PTPRN2: variants seen among roughly 807,000 people sequenced by gnomAD.
PTPRN2 encodes protein tyrosine phosphatase receptor type N2.
Under a neutral mutation model 118.8 loss-of-function variants are expected in PTPRN2, and 74 were observed. The ratio of observed to expected loss-of-function variants is 0.62; its 90% CI spans 0.52 to 0.76. The LOEUF (loss-of-function observed/expected upper bound fraction) is 0.76, where lower values mean the gene tolerates loss of function less well. Among genes scored for constraint, PTPRN2 ranks in the 30% least tolerant of loss-of-function variants. PTPRN2 has a pLI of 0.00. For synonymous variants in PTPRN2, 641 were observed against 608.0 expected (o/e 1.05, Z -0.80); for missense variants, 1,481 against 1,394.4 (o/e 1.06, Z -0.99).
At chr7:158,051,445 C>T (rs114103315) in intron 11 of PTPRN2, among the ~76,000 whole-genome samples, 3,056 of 152,322 alleles carry the variant, frequency 0.02, 103 homozygotes, top group African/African-American at 0.07. Flanking sequence ...TGTCTGCCAG[C>T]AGCTGCAAAG....
intron 2 of PTPRN2, among the ~76,000 whole-genome samples, chr7:158,387,739 T>C (rs1811603813): frequency 6.6e-6 from 1 of 152,134 alleles, no homozygotes; most frequent in African/African-American, 2.4e-5. Flanking sequence ...GGGCGAAGTT[T>C]CCTGAAGGAG....
chr7:158,118,093 A>G (rs1585495555), intron 9 of PTPRN2, among the ~76,000 whole-genome samples: 1 of 152,228 alleles, frequency 6.6e-6, no homozygotes. Context: ...ACTAGTACAT[A>G]TCTTAAAAAC....
intron 12 of PTPRN2, among the ~76,000 whole-genome samples, chr7:157,817,980 G>A (rs890705585): frequency 3.3e-5 from 5 of 152,116 alleles, no homozygotes; most frequent in South Asian, 2.1e-4. Flanking sequence ...GTTTGTACAT[G>A]TGTGATATAT....
At chr7:158,151,731 T>C (rs1390448639) in intron 6 of PTPRN2, among the ~76,000 whole-genome samples, 1 of 152,052 alleles carries the variant, frequency 6.6e-6, no homozygotes, top group Non-Finnish European at 1.5e-5. Context: ...CCTTGCTAGC[T>C]GCATTCTTTC....
chr7:157,917,420 T>C (rs1462352761), intron 11 of PTPRN2, among the ~76,000 whole-genome samples: 1 of 152,182 alleles, frequency 6.6e-6, no homozygotes, highest in Non-Finnish European at 1.5e-5. Flanking sequence ...TTTCCAGCCA[T>C]AACAGGGTAA....
At chr7:157,957,483 C>A (rs1211936305) in intron 11 of PTPRN2, among the ~76,000 whole-genome samples, 1 of 152,094 alleles carries the variant, frequency 6.6e-6, no homozygotes, top group Admixed American at 6.5e-5. Flanking sequence ...GTACACACAA[C>A]AGATACAAGA....
chr7:158,408,296 G>A (rs1488318933), intron 2 of PTPRN2, among the ~76,000 whole-genome samples: 1 of 152,176 alleles, frequency 6.6e-6, no homozygotes, highest in East Asian at 1.9e-4. Flanking sequence ...ACACCACTAT[G>A]CATATTTTTC....
At chr7:158,502,101 G>A (rs1171606034) in intron 1 of PTPRN2, among the ~76,000 whole-genome samples, 1 of 152,192 alleles carries the variant, frequency 6.6e-6, no homozygotes, top group Non-Finnish European at 1.5e-5. Context: ...AGGGCCGGGA[G>A]AAAAGTGAGA....
rs1020733210 is a variant in PTPRN2, at chr7:158,517,182, C to A, written c.113-27397G>T. ...AGTGTGGTCCTCACTGAAGACAGGG[C>A]GGGTGGCATTGACCCCCATTCCTGT... is the stretch of plus-strand genomic sequence containing the variant. On this transcript the variant is annotated intron_variant, in intron 1 of 22. Transcript: ENST00000389418. The surrounding 1 kb of genome is among the most constrained non-coding windows in gnomAD (Gnocchi z 5.3). 1.3e-5 allele frequency among the ~76,000 whole-genome samples: 2 copies of A among 152,206 alleles called. No individual in the cohort carries two copies. The highest frequency in any genetic ancestry group is 4.8e-5 in the African/African-American group (2 of 41,456).
intron 11 of PTPRN2, among the ~76,000 whole-genome samples, chr7:158,057,872 C>T (rs79855297): frequency 6.6e-6 from 1 of 152,166 alleles, no homozygotes; most frequent in Non-Finnish European, 1.5e-5. Flanking sequence ...GAACACGGGC[C>T]GTGAAGGAGT....
intron 12 of PTPRN2, among the ~76,000 whole-genome samples, chr7:157,873,207 C>T (rs964893573): frequency 1.6e-4 from 24 of 152,212 alleles, no homozygotes; most frequent in Non-Finnish European, 2.5e-4. Context: ...GGGGAGGCTC[C>T]GACTGTCTCT....
At chr7:158,374,545 G>A (rs956484172) in intron 2 of PTPRN2, among the ~76,000 whole-genome samples, 1 of 152,052 alleles carries the variant, frequency 6.6e-6, no homozygotes, top group East Asian at 1.9e-4. Context: ...ATTCATAGGC[G>A]CCAAAAACTG....
At chr7:157,920,225 A>T (rs1798623704) in intron 11 of PTPRN2, among the ~76,000 whole-genome samples, 1 of 152,246 alleles carries the variant, frequency 6.6e-6, no homozygotes, top group Non-Finnish European at 1.5e-5. Context: ...CCTGGCTAAG[A>T]ATGAAGAAAG....
Position 158,587,753 on chromosome 7 carries a change from G to A in PTPRN2, c.-84C>T. The A allele has an allele frequency of 1.6e-5, 17 of 1,062,098 alleles. No individual in the cohort carries two copies. Among genetic ancestry groups the A allele is most frequent in the Non-Finnish European group, 1.9e-5 (17 of 881,858 alleles). The allele number at this position is 1,062,098 out of a possible 1,614,324, so 65.8% of individuals were successfully genotyped here. ...GCCGAGTCCGGGCCCAGGGAGGCGC[G>A]CGCCGCCGGCTCCTCCCGCCGCGCC... On this transcript the variant is annotated 5_prime_UTR_variant, in exon 1 of 23. Transcript: ENST00000389418.
intron 13 of PTPRN2, among the ~76,000 whole-genome samples, chr7:157,668,300 T>C (rs1261924549): frequency 1.3e-5 from 2 of 152,026 alleles, no homozygotes; most frequent in Non-Finnish European, 2.9e-5. Context: ...AATTACAGAG[T>C]GGAAATCACT....
rs530539809 is a variant in PTPRN2 at position 158,379,918 on chromosome 7, T to C, written c.164-62986A>G. Reference sequence around the variant, plus strand: ...GGAGCAAAGTCACATCTCACATGGATGACAGCAGGCAAAGAGAGCTTGTAT... The same window carrying C: ...GGAGCAAAGTCACATCTCACATGGACGACAGCAGGCAAAGAGAGCTTGTAT... On this transcript the variant is annotated intron_variant, in intron 2 of 22. Coordinates refer to ENST00000389418, the MANE Select transcript of PTPRN2 (RefSeq NM_002847.5). Among the ~76,000 whole-genome samples, 10 of 152,278 alleles carry C rather than the reference T, an allele frequency of 6.6e-5. No individual in the cohort carries two copies. The South Asian group carries it at 1.7e-3, about 25-fold the overall frequency.
chr7:157,792,820 G>A (rs1804602158), intron 12 of PTPRN2, among the ~76,000 whole-genome samples: 7 of 152,154 alleles, frequency 4.6e-5, no homozygotes, highest in Non-Finnish European at 1.0e-4. Context: ...TTATTCATGA[G>A]CTGTACGTTC....
rs1353520269 is a variant in PTPRN2, at chr7:157,881,313, C to A, written c.1788+17360G>T. 6.7e-6 allele frequency among the ~76,000 whole-genome samples: 1 copy of A among 149,538 alleles called. No homozygotes were observed. Among genetic ancestry groups the A allele is most frequent in the Non-Finnish European group, 1.5e-5 (1 of 67,624 alleles). ...AGTAAAATGTGGTCATCAGGGTGAG[C>A]CTGATCCCATGTGACTGGCATCCTT... On this transcript the variant is annotated intron_variant, in intron 12 of 22. Coordinates refer to ENST00000389418, the MANE Select transcript of PTPRN2 (RefSeq NM_002847.5). The surrounding 1 kb of genome is among the most constrained non-coding windows in gnomAD (Gnocchi z 4.7).
chr7:158,337,210 A>G (rs1805779115), intron 2 of PTPRN2, among the ~76,000 whole-genome samples: 1 of 152,092 alleles, frequency 6.6e-6, no homozygotes, highest in Non-Finnish European at 1.5e-5. Flanking sequence ...AAGAGGTGAC[A>G]CTTGCAGACG....
Sources: allele counts gnomAD v4.1 joint callset (sites outside exome capture counted in the v4.1 genomes callset), GRCh38; gene constraint gnomAD v4.1.1; non-coding constraint Gnocchi (gnomAD v3.1); transcripts MANE v1.5; gene names NCBI Gene and HGNC (gene_info 2026-07-23, HGNC 2026-07-21).